ANKS6: variants seen among roughly 807,000 people sequenced by gnomAD.
The protein encoded by ANKS6 is ankyrin repeat and sterile alpha motif domain containing 6.
In ANKS6, 47 loss-of-function variants were observed where a neutral mutation model predicts 77.9. The observed-to-expected ratio is 0.60, with a 90% CI of 0.48 to 0.77. The LOEUF (loss-of-function observed/expected upper bound fraction) is 0.77, where lower values mean the gene tolerates loss of function less well. ANKS6 is among the 30% of genes least tolerant of loss of function. ANKS6 has a pLI of 0.00. For missense variants in ANKS6, 1,150 were observed against 1,159.1 expected (o/e 0.99, Z 0.11); for synonymous variants, 488 against 501.7 (o/e 0.97, Z 0.37).
At chr9:98,740,198 C>T (rs978429868) in intron 14 of ANKS6, among the ~76,000 whole-genome samples, 5 of 152,104 alleles carry the variant, frequency 3.3e-5, no homozygotes, top group Non-Finnish European at 5.9e-5. Flanking sequence ...CAGAGGGGCC[C>T]CTCTCCAGAC....
chr9:98,793,059 G>C (rs890501991), intron 1 of ANKS6, among the ~76,000 whole-genome samples: 3 of 152,210 alleles, frequency 2.0e-5, no homozygotes, highest in Non-Finnish European at 4.4e-5. Context: ...ATGAATTTCA[G>C]CAATTAACAC....
Position 98,784,890 on chromosome 9 carries a change from G to T in ANKS6, c.863-14C>A. The T allele has an allele frequency of 3.7e-6, 6 of 1,611,450 alleles. No individual in the cohort carries two copies. The highest frequency in any genetic ancestry group is 1.3e-5 in the African/African-American group (1 of 74,870). On this transcript the variant is annotated splice_polypyrimidine_tract_variant and intron_variant, in intron 2 of 14. Coordinates refer to ENST00000353234, the MANE Select transcript of ANKS6 (RefSeq NM_173551.5). ...TTTTCTCCTCATCTGGGTAAACAAA[G>T]ATTTTTAAAGTTAACCACGGAAAGG... is the stretch of plus-strand genomic sequence containing the variant.
At chr9:98,740,864 A>G (rs1831788652) in intron 14 of ANKS6, among the ~76,000 whole-genome samples, 1 of 152,266 alleles carries the variant, frequency 6.6e-6, no homozygotes, top group Non-Finnish European at 1.5e-5. Context: ...AATTAAAACA[A>G]GGTACCTTTT....
intron 13 of ANKS6, among the ~76,000 whole-genome samples, chr9:98,749,309 G>T (rs1015262381): frequency 6.6e-6 from 1 of 152,200 alleles, no homozygotes; most frequent in Non-Finnish European, 1.5e-5. Context: ...CCATGGCACT[G>T]CCTCAGGCCC....
In ANKS6 at chr9:98,759,486, C is replaced by T. The variant is rs561119241; in HGVS notation, c.2143-2883G>A. Among the ~76,000 whole-genome samples the T allele has an allele frequency of 2.6e-5, 4 of 152,260 alleles. No homozygotes were observed. The East Asian group carries it at 7.7e-4, about 29-fold the overall frequency. On this transcript the variant is annotated intron_variant, in intron 11 of 14. Transcript: ENST00000353234. ...TTGAGGGCTCAGTCCCAGGAGACTG[C>T]CCCCACTTCAGATGCCAACTGAAAG...
At chr9:98,768,504 A>G (rs1021752836) in intron 10 of ANKS6, among the ~76,000 whole-genome samples, 2 of 152,114 alleles carry the variant, frequency 1.3e-5, no homozygotes, top group Non-Finnish European at 2.9e-5. Context: ...AACCCAGTCC[A>G]TCCTCGCTTT....
In ANKS6 at chr9:98,753,333, C is replaced by T. The variant is rs891665159; in HGVS notation, c.2327-2237G>A. On this transcript the variant is annotated intron_variant, in intron 12 of 14. Transcript: ENST00000353234. ...GAAACAACAAAGACTTACGTTGGAA[C>T]TTCAGGTGAGCAACTTGGCTGAATC... Among the ~76,000 whole-genome samples the T allele has an allele frequency of 2.0e-5, 3 of 152,176 alleles. No individual in the cohort carries two copies. In the South Asian group the frequency reaches 6.2e-4, roughly 32 times the overall value.
Position 98,774,015 on chromosome 9 carries a change from G to A in ANKS6, c.1683C>T (p.Phe561=), listed in dbSNP as rs199951882. The A allele has an allele frequency of 2.5e-6, 4 of 1,568,648 alleles. No individual in the cohort carries two copies. Among genetic ancestry groups the A allele is most frequent in the African/African-American group, 1.4e-5 (1 of 72,876 alleles). ...SDKLKAVIPP[F]LPPSSFELWS... is the part of the protein sequence containing the mutation. ...ACAGCTCAAAACTGGAAGGGGGTAG[G>A]AATGGGGGGATGACTGCTTTCAGCT... is the stretch of plus-strand genomic sequence containing the variant. The change falls in exon 9 of 15, where the codon TTC becomes TTT. Residue 561 remains phenylalanine, a synonymous_variant. Transcript: ENST00000353234.
intron 5 of ANKS6, among the ~76,000 whole-genome samples, chr9:98,781,701 CT>C (rs1207186367): frequency 6.6e-6 from 1 of 152,106 alleles, no homozygotes; most frequent in Non-Finnish European, 1.5e-5. Flanking sequence ...AAGGGCATGC[CT>C]GCTGGCTACC....
Position 98,790,244 on chromosome 9 carries a change from G to A in ANKS6, c.722C>T (p.Ala241Val), listed in dbSNP as rs777895108. The part of the protein sequence containing the change: ...LAALTGRLGV[A>V]QQLVEKGANP... ...GGCGCCCTTCTCCACCAGCTGCTGG[G>A]CCACTCCAAGCCGCCCAGTGAGTGC... The change falls in exon 2 of 15, where the codon GCC (alanine) becomes GTC (valine). Residue 241 changes from alanine (A) to valine (V), a missense_variant. By Grantham distance (64) the Ala-to-Val change is moderately conservative. Transcript: ENST00000353234. 3.1e-6 allele frequency: 5 copies of A among 1,605,680 alleles called. No individual in the cohort carries two copies. The highest frequency in any genetic ancestry group is 2.7e-5 in the African/African-American group (2 of 74,796).
intron 6 of ANKS6, 67 bp downstream of exon 6, chr9:98,780,122 C>A: frequency 3.1e-6 from 5 of 1,593,156 alleles, no homozygotes; most frequent in Middle Eastern, 2.3e-4. Flanking sequence ...GCATAGGAGG[C>A]AGCAGGCTCC....
Position 98,736,427 on chromosome 9 carries a change from C to T in ANKS6, c.*92G>A. Reference sequence around the variant, plus strand: ...CAAAGGGAACAACATGACTAAGGCACAGCAGTGTGACGGGGGCAGGGCTGG... The same window carrying T: ...CAAAGGGAACAACATGACTAAGGCATAGCAGTGTGACGGGGGCAGGGCTGG... On this transcript the variant is annotated 3_prime_UTR_variant, in exon 15 of 15. Transcript: ENST00000353234. 6.8e-7 allele frequency: 1 copy of T among 1,469,010 alleles called. No homozygotes were observed. Among genetic ancestry groups the T allele is most frequent in the Non-Finnish European group, 9.0e-7 (1 of 1,110,140 alleles). 91.0% of individuals were successfully genotyped at this position (1,469,010 alleles called of 1,614,324 possible).
intron 14 of ANKS6, among the ~76,000 whole-genome samples, chr9:98,739,081 C>T (rs541023498): frequency 3.5e-4 from 49 of 140,168 alleles, no homozygotes; most frequent in Non-Finnish European, 5.5e-4. Flanking sequence ...GATGCAAAGG[C>T]ATTAAGAATG....
chr9:98,735,960 G>A lies in ANKS6; in HGVS notation c.*559C>T. On this transcript the variant is annotated 3_prime_UTR_variant, in exon 15 of 15. Coordinates refer to ENST00000353234, the MANE Select transcript of ANKS6 (RefSeq NM_173551.5). The stretch of plus-strand genomic sequence containing the variant: ...GAGGGGCAAGTTAGAAGTTTTAAGG[G>A]AAGATGTGCCAGGAAGGCTAACCTC... The A allele has an allele frequency of 8.1e-7, 1 of 1,228,520 alleles. No homozygotes were observed. The highest frequency in any genetic ancestry group is 4.3e-5 in the South Asian group (1 of 23,528). The allele number at this position is 1,228,520 out of a possible 1,614,324, so 76.1% of individuals were successfully genotyped here.
In ANKS6 at chr9:98,791,122, C is replaced by T. The variant is rs909025788; in HGVS notation, c.360-516G>A. 1.3e-5 allele frequency among the ~76,000 whole-genome samples: 2 copies of T among 152,332 alleles called. No homozygotes were observed. Among genetic ancestry groups the T allele is most frequent in the Admixed American group, 6.5e-5 (1 of 15,308 alleles). Reference sequence around the variant, plus strand: ...GCCGCTGCCCTTGCTTTTTCTCTTACACCATGCTGCCTCCTACATTTCAGA... The same window carrying T: ...GCCGCTGCCCTTGCTTTTTCTCTTATACCATGCTGCCTCCTACATTTCAGA... On this transcript the variant is annotated intron_variant, in intron 1 of 14. Transcript: ENST00000353234. The surrounding 1 kb of genome is among the most constrained non-coding windows in gnomAD (Gnocchi z 4.3).
At chr9:98,753,715 G>A (rs1188725375) in intron 12 of ANKS6, among the ~76,000 whole-genome samples, 1 of 151,918 alleles carries the variant, frequency 6.6e-6, no homozygotes, top group Non-Finnish European at 1.5e-5. Flanking sequence ...CCAATCTAAT[G>A]CCCCTGAAAG....
In ANKS6 at chr9:98,784,025, T is replaced by C; in HGVS notation, c.1040A>G (p.Glu347Gly). Residue 347 changes from glutamate to glycine, a missense_variant, in exon 4 of 15, where the codon GAG (glutamate) becomes GGG (glycine). Transcript: ENST00000353234. ...CTGCTTGTCAACATCCGCGTGCCTC[T>C]CCACCAGCAGCTGCACCAGAGCCAG... ...GQLALVQLLVERHADVDKQDS... is the reference protein window; with the variant it reads ...GQLALVQLLVGRHADVDKQDS... 1 of 1,611,432 alleles carries C rather than the reference T, an allele frequency of 6.2e-7. No individual in the cohort carries two copies. The highest frequency in any genetic ancestry group is 1.1e-5 in the South Asian group (1 of 90,348).
chr9:98,748,711 T>C (rs1564180744), intron 13 of ANKS6, among the ~76,000 whole-genome samples: 1 of 152,218 alleles, frequency 6.6e-6, no homozygotes, highest in Non-Finnish European at 1.5e-5. Context: ...GGAGCCTAGA[T>C]GACTCATCTC....
rs587777025 is a variant in ANKS6 at position 98,751,050 on chromosome 9, CTGA to C, written c.2370_2372del (p.Tyr790_Gln791delinsTer). 34 of 1,610,238 alleles carry C rather than the reference CTGA, an allele frequency of 2.1e-5. No individual in the cohort carries two copies. The highest frequency in any genetic ancestry group is 5.6e-5 in the South Asian group (5 of 89,778). On this transcript the variant is annotated stop_gained and inframe_deletion, in exon 13 of 15. Coordinates refer to ENST00000353234, the MANE Select transcript of ANKS6 (RefSeq NM_173551.5). LOFTEE classifies it high-confidence loss of function. The stretch of plus-strand genomic sequence containing the variant: ...TTACCTCTTGTTCCTCAAAAATGGG[CTGA>C]TATTTCTCAAGTGATAATTTCTTAA...
Sources: gnomAD v4.1 joint callset for allele counts (sites outside exome capture counted in the v4.1 genomes callset) on GRCh38, gnomAD v4.1.1 for gene constraint, Gnocchi (gnomAD v3.1) non-coding constraint, MANE v1.5 for transcripts, NCBI Gene and HGNC (gene_info 2026-07-23, HGNC 2026-07-21) for gene names.